Variants in CATSPER3 observed in about 807,000 individuals in gnomAD.
CATSPER3 encodes the protein cation channel sperm associated 3.
CATSPER3 carries 23 observed loss-of-function variants against 36.6 expected under a neutral mutation model. The observed-to-expected ratio is 0.63, with a 90% CI of 0.45 to 0.89. CATSPER3 has a LOEUF of 0.89. Among genes scored for constraint, CATSPER3 ranks in the 40% least tolerant of loss-of-function variants. The pLI is 0.00. For missense variants in CATSPER3, 474 were observed against 503.9 expected, an observed-to-expected ratio of 0.94 and a Z score of 0.57; for synonymous variants, 172 against 184.1, an observed-to-expected ratio of 0.93 and a Z score of 0.53.
chr5:134,999,030 T>G (rs1751988484), intron 3 of CATSPER3, among the ~76,000 whole-genome samples: 1 of 152,178 alleles, frequency 6.6e-6, no homozygotes, highest in African/African-American at 2.4e-5. Context: ...TTTCTTCTAG[T>G]GTTTTTATGG....
intron 4 of CATSPER3, 110 bp from the exon 5 acceptor site, chr5:135,008,723 GACGTGGAA>G (rs1752122481): frequency 2.4e-6 from 2 of 820,130 alleles, no homozygotes; most frequent in Middle Eastern, 3.2e-4. Context: ...TTGAGGGGAT[GACGTGGAA>G]GCGGAGCCAC....
chr5:135,006,837 A>G (rs996651182), intron 3 of CATSPER3, among the ~76,000 whole-genome samples: 453 of 23,236 alleles, frequency 0.019, 5 homozygotes, highest in African/African-American at 0.12. Flanking sequence ...CTCCGTCTCG[A>G]AAAAAAAAAA....
chr5:135,010,384 C>T lies in CATSPER3; in HGVS notation c.948C>T (p.Asp316=), dbSNP rs566256860. 1.9e-6 allele frequency: 3 copies of T among 1,614,094 alleles called. No homozygotes were observed. The Admixed American group carries it at 5.0e-5, about 27-fold the overall frequency. Reference sequence around the variant, plus strand: ...GCTTTCCTCTCTAGAAAAATGCTGACTGCACAAGTTTCAGTGAGCTGGTGG... The same window carrying T: ...GCTTTCCTCTCTAGAAAAATGCTGATTGCACAAGTTTCAGTGAGCTGGTGG... The part of the protein sequence containing the change: ...SRLMHIQKNA[D]CTSFSELVEN... The change falls in exon 7 of 8, where the codon GAC becomes GAT. Residue 316 remains aspartate (D), a synonymous_variant. Coordinates refer to ENST00000282611, the MANE Select transcript of CATSPER3 (RefSeq NM_178019.3).
Position 135,008,037 on chromosome 5 carries a change from C to T in CATSPER3, c.573C>T (p.Phe191=), listed in dbSNP as rs752172946. Reference sequence around the variant, plus strand: ...TGCTCTTCCTCCTCATGTACATCTTCGCTATCTTGGGCTTCTGCCTGTTTG... The same window carrying T: ...TGCTCTTCCTCCTCATGTACATCTTTGCTATCTTGGGCTTCTGCCTGTTTG... ...LLLLFLLMYI[F]AILGFCLFGS... The change falls in exon 4 of 8, where the codon TTC becomes TTT. Residue 191 remains phenylalanine (F), a synonymous_variant. Transcript: ENST00000282611. 14 of 1,614,098 alleles carry T rather than the reference C, an allele frequency of 8.7e-6. No homozygotes were observed. Among genetic ancestry groups the T allele is most frequent in the East Asian group, 2.2e-5 (1 of 44,880 alleles).
chr5:134,992,752 A>T (rs931333331), intron 2 of CATSPER3, among the ~76,000 whole-genome samples: 1 of 152,198 alleles, frequency 6.6e-6, no homozygotes, highest in African/African-American at 2.4e-5. Context: ...CAACAAATGG[A>T]CACTAACAAG....
At chr5:135,007,402 C>T (rs908313801) in intron 3 of CATSPER3, among the ~76,000 whole-genome samples, 1 of 152,214 alleles carries the variant, frequency 6.6e-6, no homozygotes, top group African/African-American at 2.4e-5. Flanking sequence ...CAGAAATGGG[C>T]AATGTAGCGG....
chr5:134,997,163 G>C (rs1471643933), intron 3 of CATSPER3, among the ~76,000 whole-genome samples: 2 of 152,228 alleles, frequency 1.3e-5, no homozygotes, highest in Non-Finnish European at 2.9e-5. Flanking sequence ...TTCTCCAGGT[G>C]GGGGCTGGTC....
intron 2 of CATSPER3, among the ~76,000 whole-genome samples, chr5:134,990,462 A>G (rs867229712): frequency 6.6e-6 from 1 of 152,172 alleles, no homozygotes; most frequent in Non-Finnish European, 1.5e-5. Flanking sequence ...CAGAGGGGTG[A>G]CTTTGAATAG....
intron 6 of CATSPER3, 126 bp downstream of exon 6, chr5:135,009,616 GTAAGACAGC>G: frequency 1.0e-3 from 52 of 51,684 alleles, no homozygotes; most frequent in Non-Finnish European, 1.7e-3. Context: ...GCAGCCTTAG[GTAAGACAGC>G]TGCCTTCCTC....
chr5:135,009,535 G>A lies in CATSPER3; in HGVS notation c.936+45G>A, dbSNP rs187422354. The A allele has an allele frequency of 6.5e-4, 516 of 792,518 alleles. 5 individuals are homozygous for A. Among genetic ancestry groups the A allele is most frequent in the African/African-American group, 3.3e-4 (6 of 17,990 alleles). The allele number at this position is 792,518 out of a possible 1,614,324, so 49.1% of individuals were successfully genotyped here. On this transcript the variant is annotated intron_variant, in intron 6 of 7. Coordinates refer to ENST00000282611, the MANE Select transcript of CATSPER3 (RefSeq NM_178019.3). ...AGGTGGACAGATGGGTGGATGGATC[G>A]TCAGGCTGATGAGATGGCCAGGAGG...
At chr5:134,982,603 AT>A (rs1751763361) in intron 2 of CATSPER3, among the ~76,000 whole-genome samples, 1 of 152,238 alleles carries the variant, frequency 6.6e-6, no homozygotes, top group African/African-American at 2.4e-5. Flanking sequence ...CAGCAAAATT[AT>A]CCTTCAAAAA....
intron 3 of CATSPER3, among the ~76,000 whole-genome samples, chr5:135,003,933 C>G (rs953248253): frequency 1.8e-4 from 28 of 152,220 alleles, no homozygotes; most frequent in African/African-American, 5.8e-4. Flanking sequence ...TGCTTCGGCT[C>G]TCACTCAGTG....
At chr5:134,994,456 A>G (rs940890542) in intron 2 of CATSPER3, among the ~76,000 whole-genome samples, 1 of 152,266 alleles carries the variant, frequency 6.6e-6, no homozygotes, top group Non-Finnish European at 1.5e-5. Flanking sequence ...TGCTGATATT[A>G]AAGTAGATTG....
Position 135,007,970 on chromosome 5 carries a change from C to T in CATSPER3, c.506C>T (p.Ala169Val), listed in dbSNP as rs201891135. 1.9e-6 allele frequency: 3 copies of T among 1,614,036 alleles called. No homozygotes were observed. The highest frequency in any genetic ancestry group is 2.5e-6 in the Non-Finnish European group (3 of 1,180,008). ...YSQGIRTLIT[A>V]VGQTVYTVAS... ...CCTGCCTTGCAGACGCTGATCACCG[C>T]CGTGGGGCAGACAGTCTACACCGTG... The change falls in exon 4 of 8, where the codon GCC (alanine) becomes GTC (valine). Residue 169 changes from alanine (A) to valine (V), a missense_variant. Transcript: ENST00000282611.
At chr5:134,972,357 A>G (rs1257899257) in intron 2 of CATSPER3, among the ~76,000 whole-genome samples, 2 of 152,204 alleles carry the variant, frequency 1.3e-5, no homozygotes, top group African/African-American at 4.8e-5. Flanking sequence ...GCCCACCACA[A>G]AGACATGCCC....
At chr5:135,010,647 G>A in intron 7 of CATSPER3, 117 bp downstream of exon 7, 1 of 890,100 alleles carries the variant, frequency 1.1e-6, no homozygotes, top group Non-Finnish European at 1.8e-6. Context: ...CAGTGGGTGG[G>A]TGGAACATGG....
intron 2 of CATSPER3, among the ~76,000 whole-genome samples, chr5:134,970,763 G>C (rs1580900824): frequency 6.6e-6 from 1 of 151,708 alleles, no homozygotes; most frequent in South Asian, 2.1e-4. Context: ...GTAGAGATAG[G>C]GTCTTGCCAT....
intron 4 of CATSPER3, 137 bp from the exon 5 acceptor site, chr5:135,008,704 T>C (rs1264212084): frequency 1.4e-6 from 1 of 739,440 alleles, no homozygotes; most frequent in East Asian, 2.6e-5. Flanking sequence ...GCCAGTGGAC[T>C]GGGAGGTGTT....
chr5:134,968,145 G>A, intron 1 of CATSPER3, 56 bp downstream of exon 1: 2 of 1,238,530 alleles, frequency 1.6e-6, no homozygotes, highest in Non-Finnish European at 2.4e-6. Flanking sequence ...GAAGTGTGAG[G>A]GCAGGGTGTC....
Sources: allele counts gnomAD v4.1 joint callset (sites outside exome capture counted in the v4.1 genomes callset), GRCh38; gene constraint gnomAD v4.1.1; transcripts MANE v1.5; gene names NCBI Gene and HGNC (gene_info 2026-07-23, HGNC 2026-07-21).